The following XKR4 variants were observed in gnomAD, a reference collection of about 807,000 sequenced individuals.
The protein encoded by XKR4 is XK-related protein 4.
Under a neutral mutation model 53.9 loss-of-function variants are expected in XKR4, and 12 were observed. The ratio of observed to expected loss-of-function variants is 0.22; its 90% CI spans 0.14 to 0.36. XKR4 has a LOEUF of 0.36. Ranked by LOEUF, XKR4 falls within the 10% of genes least tolerant of loss-of-function variation. The pLI, the probability that XKR4 is intolerant of heterozygous loss-of-function variation, is 1.00. For missense variants in XKR4, 799 were observed against 859.5 expected (o/e 0.93, Z 0.88); for synonymous variants, 354 against 362.4 (o/e 0.98, Z 0.26).
At chr8:55,345,084 C>T (rs925159535) in intron 1 of XKR4, among the ~76,000 whole-genome samples, 1 of 152,096 alleles carries the variant, frequency 6.6e-6, no homozygotes, top group African/African-American at 2.4e-5. Flanking sequence ...GAGTTCAAGA[C>T]AAGCCTCGCC....
intron 2 of XKR4, chr8:55,449,608 G>T: frequency 8.7e-7 from 1 of 1,146,882 alleles, no homozygotes; most frequent in Non-Finnish European, 1.3e-6. Flanking sequence ...TTGTCTTCAC[G>T]TCAAAGAAGG....
chr8:55,443,527 CATTAAAA>C (rs1805299694), intron 2 of XKR4, among the ~76,000 whole-genome samples: 1 of 37,822 alleles, frequency 2.6e-5, no homozygotes, highest in Non-Finnish European at 4.6e-5. Context: ...TAATCAGTTA[CATTAAAA>C]AAAAAAAAAA....
At position 55,164,459 on chromosome 8, in the gene XKR4, G is replaced by A. The variant is rs187214243; in HGVS notation, c.806+61165G>A. 3,108 of 456,278 alleles carry A rather than the reference G, an allele frequency of 6.8e-3. 21 individuals carry two copies. The highest frequency in any genetic ancestry group is 1.0e-2 in the Non-Finnish European group (2,263 of 226,968). 28.3% of individuals were successfully genotyped at this position (456,278 alleles called of 1,614,324 possible). A position where few individuals can be genotyped will look rare whatever the true frequency, so the allele number is the denominator to read the frequency against. On this transcript the variant is annotated intron_variant, in intron 1 of 2. Transcript: ENST00000327381. ...AAGCACCTTGAGGACAGAGCTGGAA[G>A]TAGTCTACCTGGGTATTCTCCACAG...
chr8:55,201,349 G>T (rs1392827021), intron 1 of XKR4, among the ~76,000 whole-genome samples: 1 of 152,216 alleles, frequency 6.6e-6, no homozygotes, highest in Non-Finnish European at 1.5e-5. Context: ...CCAACAATAG[G>T]TATGGTGACA....
intron 1 of XKR4, among the ~76,000 whole-genome samples, chr8:55,226,406 T>TA (rs1817953104): frequency 2.0e-5 from 3 of 152,180 alleles, no homozygotes. Flanking sequence ...AAAGGCATGG[T>TA]AAAAGAGGTC....
intron 2 of XKR4, among the ~76,000 whole-genome samples, chr8:55,475,994 C>G (rs570116859): frequency 6.6e-6 from 1 of 152,186 alleles, no homozygotes; most frequent in Non-Finnish European, 1.5e-5. Context: ...GATCCATTCA[C>G]TTCAGCCTTC....
intron 1 of XKR4, among the ~76,000 whole-genome samples, chr8:55,209,119 C>T (rs747390820): frequency 2.6e-5 from 4 of 152,154 alleles, no homozygotes; most frequent in Non-Finnish European, 5.9e-5. Context: ...TGCAGAAAGC[C>T]ATCCCAAGCC....
chr8:55,423,127 G>C (rs865925830), intron 2 of XKR4, among the ~76,000 whole-genome samples: 12 of 150,042 alleles, frequency 8.0e-5, no homozygotes, highest in African/African-American at 2.7e-4. Context: ...ACAAAGTCTT[G>C]CTCTGTTGCC....
chr8:55,452,527 G>T (rs931478323), intron 2 of XKR4: 1 of 665,686 alleles, frequency 1.5e-6, no homozygotes, highest in Non-Finnish European at 2.7e-6. Context: ...GACAGCAGGT[G>T]CAGCCTCAAT....
chr8:55,351,521 A>G (rs1354376748), intron 1 of XKR4, among the ~76,000 whole-genome samples: 1 of 152,206 alleles, frequency 6.6e-6, no homozygotes, highest in Non-Finnish European at 1.5e-5. Flanking sequence ...CCCAGAAAAA[A>G]ACTGGAAAGA....
intron 1 of XKR4, among the ~76,000 whole-genome samples, chr8:55,234,996 TG>T (rs1208420909): frequency 2.6e-5 from 4 of 152,170 alleles, no homozygotes; most frequent in African/African-American, 7.2e-5. Flanking sequence ...TTATACAAAC[TG>T]GGTGGCTTGA....
chr8:55,393,436 AAGGAAGGAAGG>A (rs1303283715), intron 2 of XKR4, among the ~76,000 whole-genome samples: 1 of 151,032 alleles, frequency 6.6e-6, no homozygotes, highest in African/African-American at 2.4e-5. Context: ...GGAAGGAAGG[AAGGAAGGAAGG>A]AAGGAAGGAA....
intron 2 of XKR4, chr8:55,451,648 T>C (rs1585580427): frequency 2.6e-6 from 4 of 1,556,108 alleles, no homozygotes; most frequent in Admixed American, 1.8e-5. Flanking sequence ...CTGCAGGGCG[T>C]TGTCCTGGAC....
At chr8:55,156,787 G>GC (rs1475345125) in intron 1 of XKR4, among the ~76,000 whole-genome samples, 1 of 152,212 alleles carries the variant, frequency 6.6e-6, no homozygotes, top group Non-Finnish European at 1.5e-5. Flanking sequence ...TGTTCAGGGA[G>GC]CCAAAATCCT....
intron 1 of XKR4, among the ~76,000 whole-genome samples, chr8:55,283,448 A>C (rs1818867353): frequency 6.6e-6 from 1 of 152,222 alleles, no homozygotes; most frequent in Non-Finnish European, 1.5e-5. Flanking sequence ...CACTTCCCTC[A>C]CAAGACTGTG....
chr8:55,361,852 C>T (rs923562265), intron 2 of XKR4, among the ~76,000 whole-genome samples: 12 of 152,126 alleles, frequency 7.9e-5, no homozygotes, highest in Non-Finnish European at 1.6e-4. Flanking sequence ...TATTCTCGTC[C>T]CCTCACTCTT....
At chr8:55,274,622 G>A (rs554336882) in intron 1 of XKR4, among the ~76,000 whole-genome samples, 3 of 152,062 alleles carry the variant, frequency 2.0e-5, no homozygotes, top group South Asian at 2.1e-4. Flanking sequence ...CAGTAGAGAC[G>A]GGGTCTCACC....
intron 1 of XKR4, among the ~76,000 whole-genome samples, chr8:55,275,255 A>C (rs947485928): frequency 1.3e-5 from 2 of 152,174 alleles, no homozygotes; most frequent in Non-Finnish European, 2.9e-5. Context: ...ATTAAAATAT[A>C]ATATTCTTAT....
chr8:55,520,733 G>T (rs1486712471), intron 2 of XKR4, among the ~76,000 whole-genome samples: 1 of 152,172 alleles, frequency 6.6e-6, no homozygotes, highest in African/African-American at 2.4e-5. Context: ...CTGATAGAAA[G>T]CCTTCATTTT....
Sources: gnomAD v4.1 joint callset for allele counts (sites outside exome capture counted in the v4.1 genomes callset) on GRCh38, gnomAD v4.1.1 for gene constraint, MANE v1.5 for transcripts, NCBI Gene and HGNC (gene_info 2026-07-23, HGNC 2026-07-21) for gene names.